The following MARCHF1 variants were observed in gnomAD, a reference collection of about 807,000 sequenced individuals.
MARCHF1 encodes the protein E3 ubiquitin-protein ligase MARCHF1.
MARCHF1 carries 40 observed loss-of-function variants against 54.2 expected under a neutral mutation model. The observed-to-expected ratio is 0.74, with a 90% CI of 0.57 to 0.96. The LOEUF is 0.96. Among genes scored for constraint, MARCHF1 ranks in the 40% least tolerant of loss-of-function variants. The pLI is 0.00. For missense variants in MARCHF1, 586 were observed against 656.5 expected (o/e 0.89, Z 1.17); for synonymous variants, 236 against 236.3 (o/e 1.00, Z 0.01).
intron 5 of MARCHF1, among the ~76,000 whole-genome samples, chr4:163,676,311 T>C (rs1239032672): frequency 6.7e-6 from 1 of 149,202 alleles, no homozygotes; most frequent in African/African-American, 2.5e-5. Context: ...GAGCCGAGGT[T>C]GCGCCATTGC....
intron 3 of MARCHF1, among the ~76,000 whole-genome samples, chr4:163,937,116 C>T (rs1322707616): frequency 2.0e-5 from 3 of 152,070 alleles, no homozygotes; most frequent in Non-Finnish European, 4.4e-5. Context: ...TTCAGTAGTC[C>T]TCTATTTCAG....
At chr4:163,880,205 C>T (rs1366300297) in intron 3 of MARCHF1, among the ~76,000 whole-genome samples, 1 of 151,124 alleles carries the variant, frequency 6.6e-6, no homozygotes, top group Non-Finnish European at 1.5e-5. Context: ...CATGCATGAA[C>T]CCTAATGCTG....
At chr4:164,321,588 G>A (rs1253092800) in intron 1 of MARCHF1, among the ~76,000 whole-genome samples, 2 of 151,886 alleles carry the variant, frequency 1.3e-5, no homozygotes, top group African/African-American at 4.8e-5. Flanking sequence ...GAATTTAATG[G>A]AAAAACATCT....
chr4:164,267,998 A>G (rs1733651646), intron 1 of MARCHF1, among the ~76,000 whole-genome samples: 1 of 152,094 alleles, frequency 6.6e-6, no homozygotes, highest in African/African-American at 2.4e-5. Flanking sequence ...GTAGGAAAAA[A>G]AAATCCTCTC....
chr4:163,755,732 T>G (rs1579259932), intron 4 of MARCHF1, among the ~76,000 whole-genome samples: 1 of 152,318 alleles, frequency 6.6e-6, no homozygotes, highest in South Asian at 2.1e-4. Flanking sequence ...ATGCTGTATT[T>G]TTGTTATAAT....
At chr4:163,880,052 T>C (rs1028633068) in intron 3 of MARCHF1, among the ~76,000 whole-genome samples, 11 of 152,012 alleles carry the variant, frequency 7.2e-5, no homozygotes, top group African/African-American at 2.7e-4. Flanking sequence ...AAGTATATGA[T>C]ATTTATAAAT....
At chr4:164,252,246 T>G (rs1441229397) in intron 1 of MARCHF1, among the ~76,000 whole-genome samples, 1 of 152,142 alleles carries the variant, frequency 6.6e-6, no homozygotes, top group East Asian at 1.9e-4. Context: ...TGCTCAAATC[T>G]TCCCCTCCTG....
chr4:164,249,554 A>T (rs561275084), intron 1 of MARCHF1, among the ~76,000 whole-genome samples: 2 of 152,016 alleles, frequency 1.3e-5, no homozygotes, highest in African/African-American at 2.4e-5. Context: ...TTGTAAATTG[A>T]ATTTTATTTT....
chr4:164,379,633 A>G (rs923974110), intron 1 of MARCHF1, among the ~76,000 whole-genome samples: 2 of 152,212 alleles, frequency 1.3e-5, no homozygotes, highest in South Asian at 4.1e-4. Context: ...ACAAAGACAC[A>G]TTTACCCTCA....
chr4:163,706,723 G>A (rs562600452), intron 4 of MARCHF1, among the ~76,000 whole-genome samples: 23 of 151,916 alleles, frequency 1.5e-4, no homozygotes, highest in Admixed American at 1.3e-3. Context: ...TTTATTTCTT[G>A]TTTTCTGGAG....
intron 1 of MARCHF1, among the ~76,000 whole-genome samples, chr4:164,209,792 A>C (rs1175635993): frequency 6.6e-6 from 1 of 152,190 alleles, no homozygotes; most frequent in Non-Finnish European, 1.5e-5. Context: ...TTTTACTAAT[A>C]GGATAAAAAT....
At chr4:164,305,467 T>C (rs1462557339) in intron 1 of MARCHF1, among the ~76,000 whole-genome samples, 1 of 152,020 alleles carries the variant, frequency 6.6e-6, no homozygotes, top group Non-Finnish European at 1.5e-5. Context: ...ATTTTAGAAA[T>C]CAGAACACCA....
intron 5 of MARCHF1, among the ~76,000 whole-genome samples, chr4:163,689,608 A>G (rs75893916): frequency 0.013 from 2,038 of 152,320 alleles, 50 homozygotes; most frequent in African/African-American, 0.043. Context: ...GTGCAGTTCT[A>G]GAGTCAATAA....
intron 4 of MARCHF1, among the ~76,000 whole-genome samples, chr4:163,795,890 C>T (rs933906659): frequency 6.6e-6 from 1 of 151,998 alleles, no homozygotes; most frequent in African/African-American, 2.4e-5. Context: ...ATATTTTGCA[C>T]ATTATATGTA....
At chr4:164,100,509 G>T (rs1755519561) in intron 2 of MARCHF1, among the ~76,000 whole-genome samples, 1 of 152,172 alleles carries the variant, frequency 6.6e-6, no homozygotes, top group African/African-American at 2.4e-5. Context: ...AGCAATACAG[G>T]CTAAATAAGA....
chr4:163,525,604 TA>T lies in MARCHF1; in HGVS notation c.*3143del, dbSNP rs1434971669. On this transcript the variant is annotated 3_prime_UTR_variant, in exon 10 of 10. Coordinates refer to ENST00000514618, the MANE Select transcript of MARCHF1 (RefSeq NM_001394959.1). Reference sequence around the variant, plus strand: ...CTGTACGATAAGAGTGATAGTTCTTTAAAAAAATTAACAGCATCAATGTCTG... The same window carrying T: ...CTGTACGATAAGAGTGATAGTTCTTTAAAAAATTAACAGCATCAATGTCTG... The T allele has an allele frequency of 2.0e-5, 3 of 152,064 alleles. No individual in the cohort carries two copies. Among genetic ancestry groups the T allele is most frequent in the Admixed American group, 2.0e-4 (3 of 15,248 alleles). 9.4% of individuals were successfully genotyped at this position (152,064 alleles called of 1,614,324 possible). A position where few individuals can be genotyped will look rare whatever the true frequency, so the allele number is the denominator to read the frequency against.
At chr4:163,912,727 T>C (rs1751221181) in intron 3 of MARCHF1, among the ~76,000 whole-genome samples, 1 of 152,208 alleles carries the variant, frequency 6.6e-6, no homozygotes, top group Non-Finnish European at 1.5e-5. Flanking sequence ...AACAATCATA[T>C]ACCGTGGCTG....
At chr4:164,336,667 T>G (rs1269812718) in intron 1 of MARCHF1, among the ~76,000 whole-genome samples, 1 of 152,210 alleles carries the variant, frequency 6.6e-6, no homozygotes, top group Non-Finnish European at 1.5e-5. Flanking sequence ...AGCACTGCTT[T>G]TATTCTCACC....
At chr4:163,651,669 T>G (rs1742972019) in intron 5 of MARCHF1, among the ~76,000 whole-genome samples, 1 of 151,766 alleles carries the variant, frequency 6.6e-6, no homozygotes, top group Admixed American at 6.6e-5. Flanking sequence ...GCCCCACCAT[T>G]TTGAACAAAA....
Sources: gnomAD v4.1 joint callset for allele counts (sites outside exome capture counted in the v4.1 genomes callset) on GRCh38, gnomAD v4.1.1 for gene constraint, MANE v1.5 for transcripts, NCBI Gene and HGNC (gene_info 2026-07-23, HGNC 2026-07-21) for gene names.